The following ZNF804B variants were observed in gnomAD, a reference collection of about 807,000 sequenced individuals.
The protein encoded by ZNF804B is zinc finger 804B.
Under a neutral mutation model 101.4 loss-of-function variants are expected in ZNF804B, and 80 were observed. That is an observed-to-expected ratio of 0.79 (90% confidence interval 0.66 to 0.95). ZNF804B has a LOEUF of 0.95. Ranked by LOEUF, ZNF804B falls within the 40% of genes least tolerant of loss-of-function variation. The probability of loss-of-function intolerance (pLI) is 0.00; values close to 1 mark genes in which losing one functional copy is unlikely to be tolerated. For missense variants in ZNF804B, 1,673 were observed against 1,561.9 expected (o/e 1.07, Z -1.20); for synonymous variants, 622 against 558.8 (o/e 1.11, Z -1.59).
intron 1 of ZNF804B, among the ~76,000 whole-genome samples, chr7:89,126,040 G>T (rs1046097564): frequency 6.6e-6 from 1 of 152,012 alleles, no homozygotes; most frequent in Admixed American, 6.6e-5. Context: ...AATATCTTCA[G>T]ATTGTCCATG....
intron 1 of ZNF804B, among the ~76,000 whole-genome samples, chr7:89,115,055 T>A (rs1790287478): frequency 6.6e-6 from 1 of 152,100 alleles, no homozygotes; most frequent in Non-Finnish European, 1.5e-5. Flanking sequence ...CCAAGGAATG[T>A]GGAAAACATA....
At chr7:89,113,554 C>T (rs539587165) in intron 1 of ZNF804B, among the ~76,000 whole-genome samples, 44 of 152,162 alleles carry the variant, frequency 2.9e-4, no homozygotes, top group African/African-American at 8.7e-4. Flanking sequence ...AATCATCTCA[C>T]GCTCATTTTC....
At chr7:89,101,711 C>A (rs1583986694) in intron 1 of ZNF804B, among the ~76,000 whole-genome samples, 1 of 151,836 alleles carries the variant, frequency 6.6e-6, no homozygotes, top group East Asian at 1.9e-4. Context: ...TTTATGTATT[C>A]ATTTATTTGT....
At position 89,217,610 on chromosome 7, in the gene ZNF804B, A is replaced by G. The variant is rs184269017; in HGVS notation, c.109-545A>G. ...TAAGTGGAGCATACTACAAATTTTC[A>G]GGAGAATATTTTGAAGAACATGGAC... On this transcript the variant is annotated intron_variant, in intron 1 of 3. Transcript: ENST00000333190. Among the ~76,000 whole-genome samples, 5 of 152,336 alleles carry G rather than the reference A, an allele frequency of 3.3e-5. No homozygotes were observed. The East Asian group carries it at 9.6e-4, about 29-fold the overall frequency.
chr7:88,938,210 G>A (rs1483815903), intron 1 of ZNF804B, among the ~76,000 whole-genome samples: 1 of 151,998 alleles, frequency 6.6e-6, no homozygotes, highest in South Asian at 2.1e-4. Flanking sequence ...TTGATAGAAA[G>A]GGAATGTTCA....
chr7:89,059,693 A>G (rs182166308), intron 1 of ZNF804B, among the ~76,000 whole-genome samples: 1 of 152,290 alleles, frequency 6.6e-6, no homozygotes, highest in African/African-American at 2.4e-5. Flanking sequence ...GTTTAAAGAC[A>G]TATGTATGCA....
chr7:89,297,983 A>T (rs1340370431), intron 2 of ZNF804B, among the ~76,000 whole-genome samples: 1 of 135,940 alleles, frequency 7.4e-6, no homozygotes, highest in African/African-American at 2.7e-5. Flanking sequence ...CATTTACTTA[A>T]TTTTTTTTTT....
In ZNF804B at chr7:89,334,290, G is replaced by A. The variant is rs1236693171; in HGVS notation, c.1308G>A (p.Val436=). 6.2e-7 allele frequency: 1 copy of A among 1,613,780 alleles called. No homozygotes were observed. The highest frequency in any genetic ancestry group is 1.1e-5 in the South Asian group (1 of 91,080). The part of the protein sequence containing the change: ...RLVKEACTHN[V]ASKPLPFLHV... ...TAAAAGAAGCATGTACCCATAATGTGGCATCTAAACCACTACCTTTTCTCC... is the reference window on the plus strand; with the variant it reads ...TAAAAGAAGCATGTACCCATAATGTAGCATCTAAACCACTACCTTTTCTCC... Residue 436 remains valine, a synonymous_variant, in exon 4 of 4, where the codon GTG becomes GTA. Transcript: ENST00000333190.
intron 1 of ZNF804B, among the ~76,000 whole-genome samples, chr7:88,989,179 G>A (rs975415051): frequency 6.6e-6 from 1 of 151,900 alleles, no homozygotes; most frequent in African/African-American, 2.4e-5. Flanking sequence ...TTGTATTTTA[G>A]TAGAGACGGG....
intron 1 of ZNF804B, among the ~76,000 whole-genome samples, chr7:88,817,743 A>G (rs936965704): frequency 6.6e-6 from 1 of 152,158 alleles, no homozygotes; most frequent in African/African-American, 2.4e-5. Flanking sequence ...ATAATTGACT[A>G]TGATTTCCAG....
intron 1 of ZNF804B, among the ~76,000 whole-genome samples, chr7:89,174,810 C>T (rs1012415057): frequency 6.6e-6 from 1 of 151,902 alleles, no homozygotes; most frequent in Non-Finnish European, 1.5e-5. Context: ...CATTATAACT[C>T]ATTTTAGTTT....
At chr7:88,899,311 C>T (rs1049471237) in intron 1 of ZNF804B, among the ~76,000 whole-genome samples, 1 of 152,016 alleles carries the variant, frequency 6.6e-6, no homozygotes, top group Admixed American at 6.6e-5. Context: ...TTTCTGGGGA[C>T]GGTGGTTACC....
At chr7:89,190,881 A>G (rs1788446123) in intron 1 of ZNF804B, among the ~76,000 whole-genome samples, 1 of 152,160 alleles carries the variant, frequency 6.6e-6, no homozygotes, top group South Asian at 2.1e-4. Flanking sequence ...TTTTAAAATT[A>G]TGCCAGGTAC....
At chr7:89,060,563 G>A (rs1789363939) in intron 1 of ZNF804B, among the ~76,000 whole-genome samples, 1 of 152,080 alleles carries the variant, frequency 6.6e-6, no homozygotes, top group Non-Finnish European at 1.5e-5. Context: ...AAAGATCACA[G>A]AAGAGGAGAA....
At chr7:89,331,564 T>G (rs1790982818) in intron 3 of ZNF804B, among the ~76,000 whole-genome samples, 1 of 151,704 alleles carries the variant, frequency 6.6e-6, no homozygotes, top group Non-Finnish European at 1.5e-5. Context: ...TTTACAAGAT[T>G]TAAAGGAACT....
intron 1 of ZNF804B, among the ~76,000 whole-genome samples, chr7:88,803,577 A>G (rs1293176372): frequency 6.6e-6 from 1 of 152,156 alleles, no homozygotes; most frequent in African/African-American, 2.4e-5. Flanking sequence ...TTAGGAATGC[A>G]AGGATTTAGA....
At position 88,839,467 on chromosome 7, in the gene ZNF804B, G is replaced by T. The variant is rs192805625; in HGVS notation, c.108+79383G>T. Among the ~76,000 whole-genome samples the T allele has an allele frequency of 5.7e-4, 87 of 152,022 alleles. 2 individuals are homozygous for T. In the East Asian group the frequency reaches 0.016, roughly 28 times the overall value. ...AAAGTAGAGTAATATGCTCAATGTTGCACAGCTATTAGGTGGCAAATCTGA... is the reference window on the plus strand; with the variant it reads ...AAAGTAGAGTAATATGCTCAATGTTTCACAGCTATTAGGTGGCAAATCTGA... On this transcript the variant is annotated intron_variant, in intron 1 of 3. Transcript: ENST00000333190.
At chr7:89,103,048 GTTT>G (rs56693128) in intron 1 of ZNF804B, among the ~76,000 whole-genome samples, 317 of 33,588 alleles carry the variant, frequency 9.4e-3, no homozygotes, top group Non-Finnish European at 0.013. Flanking sequence ...CTATGTGTCT[GTTT>G]TTTTTTTTTT....
chr7:89,229,911 G>A (rs1562923356), intron 2 of ZNF804B, among the ~76,000 whole-genome samples: 1 of 151,872 alleles, frequency 6.6e-6, no homozygotes, highest in Non-Finnish European at 1.5e-5. Flanking sequence ...TAAATATTTG[G>A]AAACTCACAA....
Sources: gnomAD v4.1 joint callset for allele counts (sites outside exome capture counted in the v4.1 genomes callset) on GRCh38, gnomAD v4.1.1 for gene constraint, MANE v1.5 for transcripts, NCBI Gene and HGNC (gene_info 2026-07-23, HGNC 2026-07-21) for gene names.